XPO5: variants seen among roughly 807,000 people sequenced by gnomAD.
XPO5 encodes the protein exportin-5.
XPO5 carries 46 observed loss-of-function variants against 160.6 expected under a neutral mutation model. That is an observed-to-expected ratio of 0.29 (90% CI 0.23 to 0.37). The LOEUF is 0.37. Among genes scored for constraint, XPO5 ranks in the 10% least tolerant of loss-of-function variants. The pLI, the probability that XPO5 is intolerant of heterozygous loss-of-function variation, is 1.00. For missense variants in XPO5, 1,090 were observed against 1,463.9 expected, an observed-to-expected ratio of 0.74 and a Z score of 4.17; for synonymous variants, 537 against 519.3, an observed-to-expected ratio of 1.03 and a Z score of -0.46.
In XPO5 at chr6:43,533,926, C is replaced by G; in HGVS notation, c.2424G>C (p.Ala808=). Residue 808 remains alanine (A), a synonymous_variant, in exon 21 of 32, where the codon GCG becomes GCC. Coordinates refer to ENST00000265351, the MANE Select transcript of XPO5 (RefSeq NM_020750.3). ...TCTTACCTAATATAGCAGATTTTTCCGCGTCAAGCATATCCAGAGCCTTGG... is the reference window on the plus strand; with the variant it reads ...TCTTACCTAATATAGCAGATTTTTCGGCGTCAAGCATATCCAGAGCCTTGG... ...PFTKALDMLD[A]EKSAILGLPQ... 6.2e-7 allele frequency: 1 copy of G among 1,603,934 alleles called. No individual in the cohort carries two copies. Among genetic ancestry groups the G allele is most frequent in the Non-Finnish European group, 8.5e-7 (1 of 1,173,736 alleles).
chr6:43,569,914 C>A (rs558536396), intron 5 of XPO5, among the ~76,000 whole-genome samples: 56 of 149,980 alleles, frequency 3.7e-4, no homozygotes, highest in African/African-American at 1.2e-3. Context: ...GAAACTCCAT[C>A]TCTACTAAAA....
Position 43,523,478 on chromosome 6 carries a change from G to A in XPO5, c.*390C>T. 1 of 365,750 alleles carries A rather than the reference G, an allele frequency of 2.7e-6. No individual in the cohort carries two copies. The highest frequency in any genetic ancestry group is 2.1e-5 in the South Asian group (1 of 47,026). The allele number at this position is 365,750 out of a possible 1,614,324, so 22.7% of individuals were successfully genotyped here. On this transcript the variant is annotated 3_prime_UTR_variant, in exon 32 of 32. Coordinates refer to ENST00000265351, the MANE Select transcript of XPO5 (RefSeq NM_020750.3). ...ACAAGTAGTTGAGGGCTGTGCTCTT[G>A]CTGCGAGCCTTGCTAGTCGCAGGGT... is the stretch of plus-strand genomic sequence containing the variant.
At chr6:43,552,395 C>A (rs1049119812) in intron 14 of XPO5, among the ~76,000 whole-genome samples, 9 of 151,958 alleles carry the variant, frequency 5.9e-5, no homozygotes, top group African/African-American at 2.2e-4. Context: ...CTCTGTCACA[C>A]AGGCTGGAGT....
At chr6:43,557,197 C>T (rs1459652344) in intron 12 of XPO5, among the ~76,000 whole-genome samples, 2 of 147,450 alleles carry the variant, frequency 1.4e-5, no homozygotes, top group African/African-American at 2.5e-5. Context: ...GAAGCCGAGG[C>T]GGGTGGATCA....
intron 3 of XPO5, among the ~76,000 whole-genome samples, chr6:43,571,394 C>T (rs1762999642): frequency 1.3e-5 from 2 of 152,110 alleles, no homozygotes; most frequent in Non-Finnish European, 2.9e-5. Flanking sequence ...AGTTCTAACA[C>T]TAGAAGACGC....
chr6:43,560,040 A>G, intron 11 of XPO5, 138 bp downstream of exon 11: 3 of 1,101,624 alleles, frequency 2.7e-6, no homozygotes, highest in Non-Finnish European at 2.5e-6. Context: ...GCTGGTCTCC[A>G]ACTCCTGGGC....
intron 28 of XPO5, chr6:43,525,528 C>G: frequency 2.0e-6 from 1 of 503,384 alleles, no homozygotes; most frequent in Non-Finnish European, 3.5e-6. Flanking sequence ...AAGAAAAAAT[C>G]AAAATGTGAG....
intron 1 of XPO5, 56 bp from the exon 2 acceptor site, chr6:43,573,657 AG>A (rs1763123598): frequency 1.3e-6 from 2 of 1,564,994 alleles, no homozygotes; most frequent in Non-Finnish European, 1.7e-6. Flanking sequence ...AGGGACTAAA[AG>A]AATTTCATCT....
At chr6:43,568,294 G>A (rs1259997983) in intron 6 of XPO5, among the ~76,000 whole-genome samples, 1 of 151,926 alleles carries the variant, frequency 6.6e-6, no homozygotes, top group Admixed American at 6.6e-5. Context: ...GCAAGTGAGC[G>A]AGACTCCGTC....
At chr6:43,561,399 G>A (rs535220308) in intron 9 of XPO5, 2 of 165,166 alleles carry the variant, frequency 1.2e-5, no homozygotes, top group Admixed American at 1.2e-4. Context: ...TTTTCTTTTA[G>A]ATGGAGTCTC....
At chr6:43,562,441 G>T in intron 8 of XPO5, 95 bp from the exon 9 acceptor site, 1 of 913,320 alleles carries the variant, frequency 1.1e-6, no homozygotes. Context: ...CATTTAGTTA[G>T]GTCTGTAATT....
At chr6:43,572,707 C>G in intron 2 of XPO5, 129 bp from the exon 3 acceptor site, 1 of 1,031,282 alleles carries the variant, frequency 9.7e-7, no homozygotes, top group Non-Finnish European at 1.4e-6. Flanking sequence ...TGATTTTGTA[C>G]CTGTCAATGA....
intron 20 of XPO5, among the ~76,000 whole-genome samples, chr6:43,536,280 T>C (rs2127714000): frequency 6.6e-6 from 1 of 151,112 alleles, no homozygotes; most frequent in East Asian, 2.0e-4. Flanking sequence ...CCGGGTGTGG[T>C]GGTGCATGCC....
chr6:43,529,481 G>A, intron 23 of XPO5: 1 of 285,554 alleles, frequency 3.5e-6, no homozygotes, highest in Non-Finnish European at 6.8e-6. Flanking sequence ...GTGAACCTGG[G>A]AGGCGAAGCT....
chr6:43,528,948 T>C, intron 23 of XPO5, 23 bp from the exon 24 acceptor site: 2 of 1,602,950 alleles, frequency 1.2e-6, no homozygotes, highest in Non-Finnish European at 1.7e-6. Flanking sequence ...GTTAAGAAAT[T>C]TTAGTGCATA....
intron 27 of XPO5, chr6:43,526,267 G>A (rs975243083): frequency 5.5e-6 from 2 of 365,716 alleles, no homozygotes; most frequent in African/African-American, 2.0e-5. Context: ...CCTGATGGGA[G>A]TTTACATTCT....
intron 24 of XPO5, among the ~76,000 whole-genome samples, 162 bp from the exon 25 acceptor site, chr6:43,528,367 T>C (rs922382742): frequency 1.3e-5 from 2 of 152,098 alleles, no homozygotes; most frequent in African/African-American, 4.8e-5. Context: ...AAAAAACATC[T>C]ATGGTTTCTG....
chr6:43,549,620 TA>T, intron 16 of XPO5, 42 bp from the exon 17 acceptor site: 1 of 1,597,850 alleles, frequency 6.3e-7, no homozygotes, highest in South Asian at 1.1e-5. Flanking sequence ...GCTTTTAATA[TA>T]ATATACAGGT....
At chr6:43,540,062 C>T (rs551505458) in intron 20 of XPO5, among the ~76,000 whole-genome samples, 2 of 152,162 alleles carry the variant, frequency 1.3e-5, no homozygotes, top group African/African-American at 4.8e-5. Context: ...TGAGAACCAG[C>T]CTGGCCAACA....
Sources: allele counts gnomAD v4.1 joint callset (sites outside exome capture counted in the v4.1 genomes callset), GRCh38; gene constraint gnomAD v4.1.1; transcripts MANE v1.5; gene names NCBI Gene and HGNC (gene_info 2026-07-23, HGNC 2026-07-21).